PDE12: variants seen among roughly 807,000 people sequenced by gnomAD.
PDE12 encodes phosphodiesterase 12.
A neutral mutation model predicts 45.4 loss-of-function variants in PDE12; 26 were observed. The observed-to-expected ratio is 0.57, with a 90% CI of 0.42 to 0.79. PDE12 has a LOEUF of 0.79. PDE12 is among the 30% of genes least tolerant of loss of function. The pLI is 0.00. For missense variants in PDE12, 668 were observed against 790.0 expected (o/e 0.85, Z 1.85); for synonymous variants, 283 against 323.9 (o/e 0.87, Z 1.36).
the PDE12 span, among the ~76,000 whole-genome samples, chr3:57,605,641 G>A: frequency 1.3e-5 from 2 of 152,210 alleles, no homozygotes; most frequent in South Asian, 4.2e-4. Flanking sequence ...AAAGTAAAAC[G>A]AAAATACACA....
the PDE12 span, among the ~76,000 whole-genome samples, chr3:57,609,086 C>T: frequency 6.6e-6 from 1 of 152,152 alleles, no homozygotes; most frequent in Non-Finnish European, 1.5e-5. Context: ...GAAACTCACT[C>T]AAAACCGCTC....
chr3:57,572,278 A>C, the PDE12 span: 16 of 1,614,050 alleles, frequency 9.9e-6, no homozygotes, highest in East Asian at 2.2e-5. Flanking sequence ...CTTGTGTTGC[A>C]CAAGTGGCTT....
At chr3:57,645,589 T>A in the PDE12 span, 2 of 1,158,772 alleles carry the variant, frequency 1.7e-6, no homozygotes, top group Non-Finnish European at 1.2e-6. Context: ...TAAGCTTTTA[T>A]TACCAAAAAT....
chr3:57,604,597 CTTTCT>C, the PDE12 span, among the ~76,000 whole-genome samples: 2 of 58,458 alleles, frequency 3.4e-5, no homozygotes, highest in East Asian at 5.6e-4. Context: ...CTTTCTTTTT[CTTTCT>C]TTTTTTTTTT....
chr3:57,589,675 G>A, the PDE12 span, among the ~76,000 whole-genome samples: 53 of 150,100 alleles, frequency 3.5e-4, no homozygotes, highest in South Asian at 1.3e-3. Flanking sequence ...CCCATACCGC[G>A]CCACGGCACT....
chr3:57,561,765 C>T lies in PDE12; in HGVS notation c.*1761C>T, dbSNP rs1328186323. ...TCATAAGAATTTCCTCTTTTGATAACATCTGTACTTTCATATTCTGCTCAC... is the reference window on the plus strand; with the variant it reads ...TCATAAGAATTTCCTCTTTTGATAATATCTGTACTTTCATATTCTGCTCAC... On this transcript the variant is annotated 3_prime_UTR_variant, in exon 3 of 3. Transcript: ENST00000311180. 19 of 983,748 alleles carry T rather than the reference C, an allele frequency of 1.9e-5. No individual in the cohort carries two copies. The highest frequency in any genetic ancestry group is 2.3e-5 in the Non-Finnish European group (19 of 828,550). The allele number at this position is 983,748 out of a possible 1,614,324, so 60.9% of individuals were successfully genotyped here. A position where few individuals can be genotyped will look rare whatever the true frequency, so the allele number is the denominator to read the frequency against.
chr3:57,571,203 T>C (rs2069839259), downstream of PDE12, among the ~76,000 whole-genome samples: 1 of 152,168 alleles, frequency 6.6e-6, no homozygotes, highest in Non-Finnish European at 1.5e-5. Flanking sequence ...CCCCATGCTG[T>C]TATACACATG....
the PDE12 span, among the ~76,000 whole-genome samples, chr3:57,583,368 C>T: frequency 2.0e-5 from 3 of 152,274 alleles, no homozygotes; most frequent in East Asian, 5.8e-4. Context: ...GTGATTCTTA[C>T]GTGCCACCCC....
At chr3:57,573,873 C>T in the PDE12 span, among the ~76,000 whole-genome samples, 1 of 152,230 alleles carries the variant, frequency 6.6e-6, no homozygotes, top group East Asian at 1.9e-4. Flanking sequence ...TGAGCCACCA[C>T]ACCCGGCCCA....
chr3:57,617,571 G>C, the PDE12 span, among the ~76,000 whole-genome samples: 2 of 152,200 alleles, frequency 1.3e-5, no homozygotes, highest in East Asian at 3.9e-4. Context: ...TGCCCATCAA[G>C]AGTGGATAGG....
the PDE12 span, among the ~76,000 whole-genome samples, chr3:57,588,428 C>T: frequency 6.6e-6 from 1 of 152,170 alleles, no homozygotes; most frequent in East Asian, 1.9e-4. Flanking sequence ...AGCTGGGAAG[C>T]TGTGCATGGT....
chr3:57,579,705 G>T, the PDE12 span, among the ~76,000 whole-genome samples: 1 of 152,146 alleles, frequency 6.6e-6, no homozygotes, highest in African/African-American at 2.4e-5. Flanking sequence ...TTAGCAAATT[G>T]TAAGTCCATT....
the PDE12 span, among the ~76,000 whole-genome samples, chr3:57,655,097 G>A: frequency 1.3e-5 from 2 of 151,020 alleles, no homozygotes; most frequent in South Asian, 2.1e-4. Context: ...GCAGTGGCAC[G>A]ATCTCAGCTC....
At chr3:57,617,592 G>A in the PDE12 span, among the ~76,000 whole-genome samples, 20,490 of 152,104 alleles carry the variant, frequency 0.13, 1,466 homozygotes, top group South Asian at 0.21. Flanking sequence ...GCCAGGCTCG[G>A]TGGCTCACAC....
chr3:57,637,843 T>G, the PDE12 span, among the ~76,000 whole-genome samples: 1 of 149,824 alleles, frequency 6.7e-6, no homozygotes, highest in African/African-American at 2.5e-5. Flanking sequence ...AATTATAAAC[T>G]CCTGTGCACA....
rs1575776062 is a variant in PDE12 at position 57,566,569 on chromosome 3, T to C, written c.*6565T>C. ...CTTACGGAAAGCAGTTGCACTATTT[T>C]GCATTCCCACCAAGCAATATGAGGG... On this transcript the variant is annotated 3_prime_UTR_variant, in exon 3 of 3. Coordinates refer to ENST00000311180, the MANE Select transcript of PDE12 (RefSeq NM_177966.7). 2 of 152,198 alleles carry C rather than the reference T, an allele frequency of 1.3e-5. No individual in the cohort carries two copies. Among genetic ancestry groups the C allele is most frequent in the South Asian group, 4.1e-4 (2 of 4,838 alleles). The allele number at this position is 152,198 out of a possible 1,614,324, so 9.4% of individuals were successfully genotyped here.
At chr3:57,630,475 C>T in the PDE12 span, 1 of 1,595,464 alleles carries the variant, frequency 6.3e-7, no homozygotes, top group Non-Finnish European at 8.5e-7. Flanking sequence ...TCATTTCCTT[C>T]CTCCGGGTCT....
At chr3:57,625,528 T>C in the PDE12 span, 15 of 152,592 alleles carry the variant, frequency 9.8e-5, no homozygotes, top group African/African-American at 3.6e-4. Context: ...TCTTTTTCAC[T>C]GTAAATAGAA....
At chr3:57,581,626 C>A in the PDE12 span, among the ~76,000 whole-genome samples, 3 of 152,186 alleles carry the variant, frequency 2.0e-5, no homozygotes, top group African/African-American at 7.2e-5. Context: ...CATGGTGAAA[C>A]CCCGTCTCTA....
Sources: gnomAD v4.1 joint callset for allele counts (sites outside exome capture counted in the v4.1 genomes callset) on GRCh38, gnomAD v4.1.1 for gene constraint, MANE v1.5 for transcripts, NCBI Gene and HGNC (gene_info 2026-07-23, HGNC 2026-07-21) for gene names.